Variants in USP7 observed in about 807,000 individuals in gnomAD.
USP7 encodes the protein ubiquitin C-terminal hydrolase 7.
In USP7, 9 loss-of-function variants were observed where a neutral mutation model predicts 162.9. The ratio of observed to expected loss-of-function variants is 0.06; its 90% CI spans 0.03 to 0.10. The LOEUF is 0.10. Ranked by LOEUF, USP7 falls within the 10% of genes least tolerant of loss-of-function variation. The pLI is 1.00. For synonymous variants in USP7, 562 were observed against 475.9 expected (o/e 1.18, Z -2.35); for missense variants, 715 against 1,373.7 (o/e 0.52, Z 7.58).
intron 1 of USP7, among the ~76,000 whole-genome samples, chr16:8,959,985 G>GA (rs1180290138): frequency 1.3e-5 from 2 of 152,030 alleles, no homozygotes; most frequent in African/African-American, 4.8e-5. Flanking sequence ...CCACACCAGG[G>GA]AAAAAAACAG....
Position 8,901,006 on chromosome 16 carries a change from C to G in USP7, c.2192G>C (p.Ser731Thr). ...CATCCAAACCTCATAGAGGATAAGG[C>G]TAGTATCTTGAATAAATCCTGCTCT... ...CDRAGFIQDT[S>T]LILYEEVKPN... Residue 731 changes from serine to threonine, a missense_variant, in exon 20 of 31, where the codon AGC becomes ACC. By Grantham distance (58) the Ser-to-Thr change is moderately conservative. Transcript: ENST00000344836. 6.2e-7 allele frequency: 1 copy of G among 1,614,010 alleles called. No homozygotes were observed. The highest frequency in any genetic ancestry group is 8.5e-7 in the Non-Finnish European group (1 of 1,179,950).
intron 12 of USP7, 67 bp from the exon 13 acceptor site, chr16:8,906,649 AG>A: frequency 3.3e-6 from 5 of 1,493,946 alleles, no homozygotes; most frequent in Non-Finnish European, 4.5e-6. Context: ...CTTTACAGTA[AG>A]TAAGGCCATT....
chr16:8,932,174 A>C (rs575306407), intron 1 of USP7, among the ~76,000 whole-genome samples: 16 of 152,316 alleles, frequency 1.1e-4, no homozygotes, highest in South Asian at 4.1e-4. Context: ...AAACATTCAA[A>C]ATACCAAGAA....
At chr16:8,914,621 A>G (rs1415775041) in intron 10 of USP7, among the ~76,000 whole-genome samples, 1 of 152,228 alleles carries the variant, frequency 6.6e-6, no homozygotes, top group African/African-American at 2.4e-5. Context: ...TGTGCTGGGC[A>G]AAAGGAATCA....
intron 12 of USP7, 126 bp from the exon 13 acceptor site, chr16:8,906,708 A>C (rs1277546886): frequency 1.1e-6 from 1 of 894,874 alleles, no homozygotes; most frequent in Non-Finnish European, 1.7e-6. Flanking sequence ...TTGCCTTGGG[A>C]AGGCCTATGA....
intron 3 of USP7, 144 bp downstream of exon 3, chr16:8,923,071 A>G (rs1897788892): frequency 1.6e-6 from 1 of 638,696 alleles, no homozygotes; most frequent in Admixed American, 3.0e-5. Context: ...CTTGGATATT[A>G]TACATATACC....
intron 1 of USP7, among the ~76,000 whole-genome samples, chr16:8,940,218 C>A (rs1048655086): frequency 1.3e-5 from 2 of 152,192 alleles, no homozygotes; most frequent in Admixed American, 1.3e-4. Context: ...CATCCTATAG[C>A]CAGGTCACCT....
chr16:8,902,690 C>T (rs779234594), intron 16 of USP7, among the ~76,000 whole-genome samples: 1 of 152,006 alleles, frequency 6.6e-6, no homozygotes, highest in African/African-American at 2.4e-5. Flanking sequence ...GAGTTCAAGA[C>T]CAGCCTGGCC....
At chr16:8,905,477 C>T in intron 13 of USP7, 146 bp from the exon 14 acceptor site, 3 of 998,822 alleles carry the variant, frequency 3.0e-6, no homozygotes, top group South Asian at 1.5e-5. Context: ...TACAGGCACA[C>T]AATCTGACGG....
intron 19 of USP7, 28 bp downstream of exon 19, chr16:8,901,114 T>G: frequency 6.2e-7 from 1 of 1,612,974 alleles, no homozygotes; most frequent in Non-Finnish European, 8.5e-7. Context: ...CAAAATCTAC[T>G]CAGAAGGTAA....
At chr16:8,905,041 G>T in intron 14 of USP7, 146 bp downstream of exon 14, 2 of 943,980 alleles carry the variant, frequency 2.1e-6, no homozygotes, top group Non-Finnish European at 3.2e-6. Context: ...AAACGCGCAA[G>T]CCCAACCCTG....
chr16:8,943,548 A>G (rs567190213), intron 1 of USP7, among the ~76,000 whole-genome samples: 14 of 151,932 alleles, frequency 9.2e-5, no homozygotes, highest in African/African-American at 3.1e-4. Flanking sequence ...GAGAAACACA[A>G]ACGACTAACC....
intron 1 of USP7, among the ~76,000 whole-genome samples, chr16:8,933,543 A>G (rs1181304616): frequency 6.6e-6 from 1 of 152,214 alleles, no homozygotes; most frequent in Admixed American, 6.5e-5. Flanking sequence ...AGAACCTACT[A>G]GAGATTAGGG....
intron 26 of USP7, among the ~76,000 whole-genome samples, chr16:8,896,025 C>T (rs928545721): frequency 2.0e-5 from 3 of 151,716 alleles, no homozygotes; most frequent in South Asian, 2.1e-4. Flanking sequence ...TTAGTAGAGA[C>T]GGGGTTTCAC....
rs533875735 is a variant in USP7, at chr16:8,910,834, A to T, written c.1079-7T>A. ...TCCACAAATGATTCAAATACTTTAAAGAGAGAGAGAGAAAAGTCAAGTGCT... is the reference window on the plus strand; with the variant it reads ...TCCACAAATGATTCAAATACTTTAATGAGAGAGAGAGAAAAGTCAAGTGCT... On this transcript the variant is annotated splice_polypyrimidine_tract_variant and splice_region_variant and intron_variant, in intron 10 of 30. Coordinates refer to ENST00000344836, the MANE Select transcript of USP7 (RefSeq NM_003470.3). The T allele has an allele frequency of 1.2e-6, 2 of 1,605,038 alleles. No homozygotes were observed. Among genetic ancestry groups the T allele is most frequent in the South Asian group, 2.2e-5 (2 of 90,840 alleles).
intron 16 of USP7, among the ~76,000 whole-genome samples, 199 bp downstream of exon 16, chr16:8,903,069 C>A (rs554417438): frequency 5.9e-5 from 9 of 152,060 alleles, no homozygotes; most frequent in Non-Finnish European, 1.3e-4. Flanking sequence ...CCTGTGGGTT[C>A]CCCTGTGCAG....
chr16:8,933,804 G>T (rs575798959), intron 1 of USP7, among the ~76,000 whole-genome samples: 6 of 150,548 alleles, frequency 4.0e-5, no homozygotes, highest in Non-Finnish European at 8.9e-5. Flanking sequence ...CTCCCAGGCT[G>T]GAGTGCAGTG....
At chr16:8,934,955 A>C (rs2437715) in intron 1 of USP7, among the ~76,000 whole-genome samples, 3 of 152,236 alleles carry the variant, frequency 2.0e-5, no homozygotes, top group African/African-American at 7.2e-5. Context: ...GTAAATCCCT[A>C]GTCCAGAAGT....
At chr16:8,906,401 T>C in intron 13 of USP7, 25 bp downstream of exon 13, 2 of 1,602,788 alleles carry the variant, frequency 1.2e-6, no homozygotes, top group Non-Finnish European at 1.7e-6. Context: ...TGAGCTTGCA[T>C]TCAGCCCTGG....
Sources: gnomAD v4.1 joint callset for allele counts (sites outside exome capture counted in the v4.1 genomes callset) on GRCh38, gnomAD v4.1.1 for gene constraint, MANE v1.5 for transcripts, NCBI Gene and HGNC (gene_info 2026-07-23, HGNC 2026-07-21) for gene names.